PLD1: variants seen among roughly 807,000 people sequenced by gnomAD.
PLD1 encodes the protein choline phosphatase 1.
Under a neutral mutation model 137.1 loss-of-function variants are expected in PLD1, and 112 were observed. The observed-to-expected ratio is 0.82, with a 90% CI of 0.70 to 0.96. The LOEUF is 0.96. Ranked by LOEUF, PLD1 falls within the 40% of genes least tolerant of loss-of-function variation. The pLI is 0.00. For synonymous variants in PLD1, 431 were observed against 454.7 expected (o/e 0.95, Z 0.66); for missense variants, 1,321 against 1,342.0 (o/e 0.98, Z 0.24).
intron 7 of PLD1, 93 bp downstream of exon 7, chr3:171,725,925 C>T: frequency 1.2e-6 from 1 of 838,760 alleles, no homozygotes; most frequent in Non-Finnish European, 2.1e-6. Context: ...GCAGTAAAGC[C>T]AGGAGGACTC....
chr3:171,752,504 T>C (rs763955217), intron 1 of PLD1, among the ~76,000 whole-genome samples: 26 of 152,220 alleles, frequency 1.7e-4, no homozygotes, highest in Admixed American at 1.2e-3. Context: ...TAAATGAAAC[T>C]TGTGGCCAGA....
intron 1 of PLD1, chr3:171,791,836 G>T (rs4321552): frequency 2.6e-5 from 4 of 151,750 alleles, no homozygotes; most frequent in Non-Finnish European, 4.4e-5. Flanking sequence ...ACCCTGAAAA[G>T]ATAAACTTGG....
chr3:171,730,466 G>A (rs1350391612), intron 6 of PLD1, among the ~76,000 whole-genome samples: 2 of 151,792 alleles, frequency 1.3e-5, no homozygotes, highest in Non-Finnish European at 2.9e-5. Context: ...TCATAATCAT[G>A]GGAGAGAAGG....
chr3:171,637,424 T>TG (rs71178232), intron 23 of PLD1, among the ~76,000 whole-genome samples: 152,038 of 152,044 alleles, frequency 1, 76,016 homozygotes, highest in Middle Eastern at 1. Flanking sequence ...TTAGTAGAGA[T>TG]GGGTTTCACC....
chr3:171,637,422 G>C (rs1735225687), intron 23 of PLD1, among the ~76,000 whole-genome samples: 4 of 58 alleles, frequency 0.069, no homozygotes, highest in Admixed American at 0.083. Context: ...TTTTAGTAGA[G>C]ATGGGTTTCA....
intron 1 of PLD1, chr3:171,792,921 A>G: frequency 3.0e-6 from 1 of 329,942 alleles, no homozygotes; most frequent in South Asian, 2.4e-5. Flanking sequence ...CCAAAGCGGA[A>G]GACTCCCCAA....
chr3:171,667,251 C>T (rs548164033), intron 19 of PLD1, among the ~76,000 whole-genome samples: 7 of 152,252 alleles, frequency 4.6e-5, no homozygotes, highest in African/African-American at 1.4e-4. Context: ...CTCTGATTGT[C>T]GGGCCTTTTT....
At chr3:171,758,455 G>A (rs1183606137) in intron 1 of PLD1, among the ~76,000 whole-genome samples, 1 of 152,120 alleles carries the variant, frequency 6.6e-6, no homozygotes, top group East Asian at 1.9e-4. Context: ...GTCTCTCTGG[G>A]ACTGTCGACA....
At chr3:171,751,783 G>A (rs940564322) in intron 1 of PLD1, among the ~76,000 whole-genome samples, 4 of 152,142 alleles carry the variant, frequency 2.6e-5, no homozygotes, top group African/African-American at 9.7e-5. Flanking sequence ...GGCGGATCAC[G>A]AGGTCAGGAG....
intron 1 of PLD1, among the ~76,000 whole-genome samples, chr3:171,791,229 TA>T (rs1238997303): frequency 1.3e-5 from 2 of 152,158 alleles, no homozygotes; most frequent in East Asian, 1.9e-4. Context: ...ATTTGTGCTG[TA>T]AAAAAACCTC....
At chr3:171,604,317 TAA>T (rs113679565) in intron 26 of PLD1, among the ~76,000 whole-genome samples, 5,831 of 118,430 alleles carry the variant, frequency 0.049, 273 homozygotes, top group African/African-American at 0.14. Flanking sequence ...CCATGTCAAT[TAA>T]AAAAAAAAAA....
At chr3:171,634,814 A>C (rs1734967484) in intron 23 of PLD1, among the ~76,000 whole-genome samples, 1 of 152,138 alleles carries the variant, frequency 6.6e-6, no homozygotes, top group South Asian at 2.1e-4. Context: ...TAAAGTGTAC[A>C]AATCAGTATG....
chr3:171,781,286 T>C (rs1189366563), intron 1 of PLD1, among the ~76,000 whole-genome samples: 6 of 151,152 alleles, frequency 4.0e-5, no homozygotes, highest in African/African-American at 1.5e-4. Context: ...AATAAATAAA[T>C]CTCAACCATG....
Position 171,687,505 on chromosome 3 carries a change from C to T in PLD1, c.1619G>A (p.Ser540Asn). Residue 540 changes from serine to asparagine, a missense_variant, in exon 15 of 27, where the codon AGT (serine) becomes AAT (asparagine). Coordinates refer to ENST00000351298, the MANE Select transcript of PLD1 (RefSeq NM_002662.5). ...CAGTTTTGAATCCACATCATCAATA[C>T]TCTTCTGGATGGGTAGGTTTTGAAC... The part of the protein sequence containing the change: ...EPVQNLPIQK[S>N]IDDVDSKLKG... The T allele has an allele frequency of 6.2e-7, 1 of 1,613,974 alleles. No homozygotes were observed.
intron 20 of PLD1, among the ~76,000 whole-genome samples, chr3:171,661,763 T>C (rs1711528480): frequency 6.6e-6 from 1 of 152,212 alleles, no homozygotes; most frequent in Admixed American, 6.5e-5. Flanking sequence ...AAAACTTACC[T>C]ATCCATGTTG....
intron 11 of PLD1, among the ~76,000 whole-genome samples, chr3:171,705,281 T>C (rs7632580): frequency 0.083 from 12,653 of 152,162 alleles, 1,576 homozygotes; most frequent in African/African-American, 0.27. Flanking sequence ...TAGCAAAAGA[T>C]ATAAAACTAC....
rs982540279 is a variant in PLD1 at position 171,781,274 on chromosome 3, AAAAT to A, written c.-32+29121_-32+29124del. ...AAAAAAACTAAATATCTATATAGCA[AAAAT>A]AAATAAATCTCAACCATGACCTCAC... On this transcript the variant is annotated intron_variant, in intron 1 of 26. Transcript: ENST00000351298. Among the ~76,000 whole-genome samples, 23 of 152,264 alleles carry A rather than the reference AAAAT, an allele frequency of 1.5e-4. 1 individual carries two copies. The highest frequency in any genetic ancestry group is 5.5e-4 in the African/African-American group (23 of 41,570).
chr3:171,676,940 A>G (rs1307568141), intron 17 of PLD1, 107 bp from the exon 18 acceptor site: 11 of 669,390 alleles, frequency 1.6e-5, no homozygotes, highest in South Asian at 7.4e-5. Flanking sequence ...AGTGCCCACT[A>G]GGTATATATT....
At chr3:171,736,577 T>C (rs188959157) in intron 3 of PLD1, among the ~76,000 whole-genome samples, 1 of 151,728 alleles carries the variant, frequency 6.6e-6, no homozygotes. Context: ...CCAAAATGAG[T>C]GTAAGCTGGG....
Sources: allele counts gnomAD v4.1 joint callset (sites outside exome capture counted in the v4.1 genomes callset), GRCh38; gene constraint gnomAD v4.1.1; transcripts MANE v1.5; gene names NCBI Gene and HGNC (gene_info 2026-07-23, HGNC 2026-07-21).